The following CTDP1 variants were observed in gnomAD, a reference collection of about 807,000 sequenced individuals.
The protein encoded by CTDP1 is RNA polymerase II subunit A C-terminal domain phosphatase.
CTDP1 carries 47 observed loss-of-function variants against 91.8 expected under a neutral mutation model. The observed-to-expected ratio is 0.51, with a 90% confidence interval of 0.41 to 0.65. CTDP1 has a LOEUF of 0.65. Ranked by LOEUF, CTDP1 falls within the 30% of genes least tolerant of loss-of-function variation. The probability of loss-of-function intolerance (pLI) is 0.00; values close to 1 mark genes in which losing one functional copy is unlikely to be tolerated. For missense variants in CTDP1, 1,272 were observed against 1,373.7 expected, an observed-to-expected ratio of 0.93 and a Z score of 1.17; for synonymous variants, 656 against 598.5, an observed-to-expected ratio of 1.10 and a Z score of -1.40.
chr18:79,689,656 C>T (rs1261771261), intron 1 of CTDP1, among the ~76,000 whole-genome samples: 5 of 152,170 alleles, frequency 3.3e-5, no homozygotes, highest in African/African-American at 1.2e-4. Flanking sequence ...TGGTGCGCAC[C>T]TGCAGTCCCA....
At chr18:79,755,018 A>T (rs1252517563), downstream of CTDP1, 12 of 152,242 alleles carry the variant, frequency 7.9e-5, no homozygotes, top group Admixed American at 7.9e-4. Context: ...CATCCACAGG[A>T]TGTGGCTCTC....
chr18:79,679,654 A>T (rs946344543), upstream of CTDP1: 1 of 504,472 alleles, frequency 2.0e-6, no homozygotes, highest in Non-Finnish European at 3.9e-6. Context: ...GAGGAAAAGT[A>T]GGTAGGGCTC....
chr18:79,677,357 CAG>C (rs901302101), upstream of CTDP1: 1 of 152,256 alleles, frequency 6.6e-6, no homozygotes, highest in African/African-American at 2.4e-5. Flanking sequence ...AGAATAGGCT[CAG>C]AGAGACTCCA....
intron 4 of CTDP1, among the ~76,000 whole-genome samples, chr18:79,701,529 TTAAA>T (rs146187493): frequency 0.41 from 58,926 of 142,988 alleles, 12,219 homozygotes; most frequent in African/African-American, 0.46. Context: ...AATAAATAAA[TTAAA>T]TAAATAAATA....
chr18:79,716,119 C>G (rs77922524), intron 8 of CTDP1, among the ~76,000 whole-genome samples: 2 of 152,190 alleles, frequency 1.3e-5, no homozygotes, highest in African/African-American at 4.8e-5. Flanking sequence ...CCAAATACCT[C>G]GTTATTCTAG....
chr18:79,688,445 A>T (rs1205393373), intron 1 of CTDP1, among the ~76,000 whole-genome samples: 1 of 152,194 alleles, frequency 6.6e-6, no homozygotes, highest in Non-Finnish European at 1.5e-5. Flanking sequence ...TTGTATTTTT[A>T]GTAGAGACAG....
At chr18:79,753,540 T>C in intron 12 of CTDP1, 112 bp from the exon 13 acceptor site, 1 of 1,531,952 alleles carries the variant, frequency 6.5e-7, no homozygotes, top group South Asian at 1.2e-5. Context: ...ACCAGAGAAT[T>C]GTGCCGTCTT....
downstream of CTDP1, chr18:79,755,309 G>A (rs2087078931): frequency 6.6e-6 from 1 of 152,186 alleles, no homozygotes; most frequent in Admixed American, 6.5e-5. Flanking sequence ...GTTCTCCGGG[G>A]TCTGCAGTCT....
intron 1 of CTDP1, among the ~76,000 whole-genome samples, chr18:79,691,209 G>A (rs1470567835): frequency 6.6e-6 from 1 of 152,218 alleles, no homozygotes; most frequent in African/African-American, 2.4e-5. Context: ...GTATTACACT[G>A]TTGGTGACAG....
intron 1 of CTDP1, among the ~76,000 whole-genome samples, chr18:79,692,390 C>T (rs1568176692): frequency 6.6e-6 from 1 of 152,220 alleles, no homozygotes; most frequent in East Asian, 1.9e-4. Context: ...CTGATAAGTT[C>T]TGAAGTCAGG....
At chr18:79,742,112 G>A (rs1334673240) in intron 12 of CTDP1, among the ~76,000 whole-genome samples, 1 of 10,056 alleles carries the variant, frequency 9.9e-5, no homozygotes, top group African/African-American at 1.7e-4. Context: ...GAGGCATGAG[G>A]TGGAGGCCTG....
chr18:79,718,134 G>A lies in CTDP1; in HGVS notation c.2417+118G>A, dbSNP rs553254000. Reference sequence around the variant, plus strand: ...GTGAGGGCGGGTGGAGGCTGCAGACGGTGACTCCTGCTTCCACCTTGTGGG... The same window carrying A: ...GTGAGGGCGGGTGGAGGCTGCAGACAGTGACTCCTGCTTCCACCTTGTGGG... On this transcript the variant is annotated intron_variant, in intron 10 of 12. Coordinates refer to ENST00000613122, the MANE Select transcript of CTDP1 (RefSeq NM_004715.5). 6.3e-4 allele frequency: 745 copies of A among 1,182,972 alleles called. 4 individuals are homozygous for A. The African/African-American group carries it at 7.6e-3, about 12-fold the overall frequency. 73.3% of individuals were successfully genotyped at this position (1,182,972 alleles called of 1,614,324 possible).
chr18:79,718,794 A>G (rs1369281543), intron 10 of CTDP1, among the ~76,000 whole-genome samples: 1 of 152,156 alleles, frequency 6.6e-6, no homozygotes, highest in Admixed American at 6.5e-5. Context: ...GGCAAGGAGC[A>G]CCCACCAAGA....
chr18:79,740,289 G>C (rs1206311552), intron 12 of CTDP1, among the ~76,000 whole-genome samples: 1 of 152,238 alleles, frequency 6.6e-6, no homozygotes, highest in Admixed American at 6.5e-5. Context: ...CAGCCTGACT[G>C]CTGGGGGCCG....
chr18:79,750,371 C>G (rs991760977), intron 12 of CTDP1, among the ~76,000 whole-genome samples: 29 of 152,152 alleles, frequency 1.9e-4, no homozygotes, highest in African/African-American at 6.3e-4. Flanking sequence ...CCCTCACTCT[C>G]ATGTAGCAAT....
At chr18:79,696,145 C>A in intron 3 of CTDP1, 75 bp downstream of exon 3, 1 of 1,308,746 alleles carries the variant, frequency 7.6e-7, no homozygotes, top group Middle Eastern at 2.2e-4. Flanking sequence ...AGGAGGGTGG[C>A]TGCAGAAGCA....
chr18:79,680,246 A>G lies in CTDP1; in HGVS notation c.299A>G (p.Gln100Arg), dbSNP rs1038208260. 5.4e-6 allele frequency: 7 copies of G among 1,302,898 alleles called. No individual in the cohort carries two copies. The African/African-American group carries it at 9.3e-5, about 17-fold the overall frequency. 80.7% of individuals were successfully genotyped at this position (1,302,898 alleles called of 1,614,324 possible). ...VVRELCAQPG[Q>R]VVAPGAVLVR... Reference sequence around the variant, plus strand: ...CGGGAGCTGTGCGCGCAGCCGGGCCAGGTGGTCGCCCCAGGGTGAGTGTGC... The same window carrying G: ...CGGGAGCTGTGCGCGCAGCCGGGCCGGGTGGTCGCCCCAGGGTGAGTGTGC... Residue 100 changes from glutamine (Q) to arginine (R), a missense_variant, in exon 1 of 13, where the codon CAG becomes CGG. Gln to Arg is a conservative substitution (Grantham distance 43, BLOSUM62 1). Around this residue, in one of 3 missense-constraint regions of CTDP1, gnomAD observed 214 missense variants for 179.1 expected, o/e 1.19. Coordinates refer to ENST00000613122, the MANE Select transcript of CTDP1 (RefSeq NM_004715.5).
intron 10 of CTDP1, among the ~76,000 whole-genome samples, chr18:79,721,464 C>T (rs1396994870): frequency 2.0e-5 from 3 of 152,050 alleles, no homozygotes; most frequent in South Asian, 4.1e-4. Flanking sequence ...AGTAGAAGCA[C>T]GATGGCAGGA....
intron 12 of CTDP1, among the ~76,000 whole-genome samples, chr18:79,742,520 G>C (rs1038878780): frequency 6.6e-6 from 1 of 152,266 alleles, no homozygotes; most frequent in Non-Finnish European, 1.5e-5. Context: ...TCTTCAGGCT[G>C]AAAGCAGGTG....
Sources: allele counts gnomAD v4.1 joint callset (sites outside exome capture counted in the v4.1 genomes callset), GRCh38; gene constraint gnomAD v4.1.1; regional missense constraint gnomAD v4.1.1; transcripts MANE v1.5; gene names NCBI Gene and HGNC (gene_info 2026-07-23, HGNC 2026-07-21).